MAMSTR: variants seen among roughly 807,000 people sequenced by gnomAD.
The protein encoded by MAMSTR is MEF2-activating motif and SAP domain-containing transcriptional regulator.
Under a neutral mutation model 42.7 loss-of-function variants are expected in MAMSTR, and 41 were observed. That is an observed-to-expected ratio of 0.96 (90% CI 0.75 to 1.25). The LOEUF (loss-of-function observed/expected upper bound fraction) is 1.25, where lower values mean the gene tolerates loss of function less well. Among genes scored for constraint, MAMSTR ranks in the 50% most tolerant of loss-of-function variants. The pLI is 0.00. For synonymous variants in MAMSTR, 265 were observed against 244.1 expected (o/e 1.09, Z -0.80); for missense variants, 567 against 557.6 (o/e 1.02, Z -0.17).
downstream of MAMSTR, among the ~76,000 whole-genome samples, chr19:48,710,799 GGCTA>G (rs1401911659): frequency 1.4e-4 from 22 of 151,862 alleles, no homozygotes; most frequent in African/African-American, 5.1e-4. Context: ...ATATTGGTCA[GGCTA>G]GTCTCGAACT....
chr19:48,716,996 C>T (rs2033068088), intron 2 of MAMSTR: 3 of 1,138,820 alleles, frequency 2.6e-6, no homozygotes, highest in South Asian at 8.8e-5. Context: ...CTGGAGGCAG[C>T]CCTGCCCCCG....
chr19:48,717,534 CTTTT>C (rs34694985), intron 2 of MAMSTR, among the ~76,000 whole-genome samples: 3 of 126,604 alleles, frequency 2.4e-5, no homozygotes, highest in Non-Finnish European at 3.3e-5. Flanking sequence ...TGTTAACTAT[CTTTT>C]TTTTTTTTTT....
intron 9 of MAMSTR, 61 bp downstream of exon 9, chr19:48,713,655 G>A: frequency 6.2e-7 from 1 of 1,609,598 alleles, no homozygotes; most frequent in Admixed American, 1.7e-5. Flanking sequence ...CGCCTCCCTT[G>A]GACGCAGGAG....
At position 48,714,918 on chromosome 19, in the gene MAMSTR, A is replaced by G; in HGVS notation, c.426-10T>C. On this transcript the variant is annotated splice_polypyrimidine_tract_variant and intron_variant, in intron 5 of 9. Transcript: ENST00000318083. The stretch of plus-strand genomic sequence containing the variant: ...GGGAGAGGGCTTCATCCTGGTGATA[A>G]TCGTGAGGGGCGAACAAAGGTTAGA... 1.3e-6 allele frequency: 2 copies of G among 1,566,702 alleles called. No individual in the cohort carries two copies. Among genetic ancestry groups the G allele is most frequent in the Middle Eastern group, 1.7e-4 (1 of 5,906 alleles).
Position 48,714,798 on chromosome 19 carries a change from A to C in MAMSTR, c.528+8T>G, listed in dbSNP as rs2032925427. ...GAGAAGGCCTGGAAAGTTACACCCC[A>C]AACTCACCGTCAGCTCCTCCAGTTT... On this transcript the variant is annotated splice_region_variant and intron_variant, in intron 6 of 9. Transcript: ENST00000318083. 3.1e-6 allele frequency: 5 copies of C among 1,596,470 alleles called. No individual in the cohort carries two copies.
downstream of MAMSTR, among the ~76,000 whole-genome samples, chr19:48,709,439 C>T (rs2032694970): frequency 6.6e-6 from 1 of 152,174 alleles, no homozygotes; most frequent in Admixed American, 6.5e-5. Context: ...TGAGTCACTG[C>T]GCCCAGCCTG....
downstream of MAMSTR, among the ~76,000 whole-genome samples, chr19:48,711,790 G>A (rs1409435500): frequency 7.7e-6 from 1 of 129,148 alleles, no homozygotes; most frequent in African/African-American, 2.9e-5. Flanking sequence ...CTGTTGCCCA[G>A]GCTGGAGTGT....
At position 48,713,549 on chromosome 19, in the gene MAMSTR, G is replaced by T; in HGVS notation, c.966C>A (p.Asp322Glu). Residue 322 changes from aspartate to glutamate, a missense_variant and splice_region_variant, in exon 10 of 10, where the codon GAC (aspartate) becomes GAA (glutamate). Asp to Glu is a conservative substitution (Grantham distance 45, BLOSUM62 2). Coordinates refer to ENST00000318083, the MANE Select transcript of MAMSTR (RefSeq NM_001130915.2). ...DILEDQVEPD[D>E]PLPPIPLDFP... ...AGTCCAGGGGAATAGGGGGCAGGGG[G>T]TCTGCGGGATAAAGAATGGTACATG... is the stretch of plus-strand genomic sequence containing the variant. 6.2e-7 allele frequency: 1 copy of T among 1,609,670 alleles called. No homozygotes were observed. Among genetic ancestry groups the T allele is most frequent in the Middle Eastern group, 1.7e-4 (1 of 5,760 alleles).
chr19:48,714,711 C>A, intron 6 of MAMSTR, 95 bp downstream of exon 6: 1 of 1,285,694 alleles, frequency 7.8e-7, no homozygotes, highest in Non-Finnish European at 1.1e-6. Flanking sequence ...GGTACCCGAT[C>A]TCCTGGATTT....
chr19:48,715,778 G>A lies in MAMSTR; in HGVS notation c.98-11C>T, dbSNP rs1243520491. ...GGTCCGGATCCGAGACTGGAGAGAC[G>A]GTGAAGGACCCTGAGAGGCCTGCAG... On this transcript the variant is annotated splice_polypyrimidine_tract_variant and intron_variant, in intron 3 of 9. Transcript: ENST00000318083. 8 of 1,535,776 alleles carry A rather than the reference G, an allele frequency of 5.2e-6. No individual in the cohort carries two copies. Among genetic ancestry groups the A allele is most frequent in the South Asian group, 1.2e-5 (1 of 82,054 alleles).
At chr19:48,709,627 G>A (rs1277867606), downstream of MAMSTR, among the ~76,000 whole-genome samples, 1 of 152,120 alleles carries the variant, frequency 6.6e-6, no homozygotes, top group Non-Finnish European at 1.5e-5. Context: ...GATGACTCTG[G>A]AGGGACTGAC....
downstream of MAMSTR, among the ~76,000 whole-genome samples, chr19:48,707,875 GAAAGAAAGAAAGA>G (rs1377764757): frequency 0.02 from 2,183 of 110,196 alleles, 59 homozygotes; most frequent in African/African-American, 0.069. Context: ...AAGAAAGAAA[GAAAGAAAGAAAGA>G]AAAGAAAGAA....
rs749162357 is a variant in MAMSTR, at chr19:48,714,390, C to T, written c.699G>A (p.Leu233=). 5 of 1,374,636 alleles carry T rather than the reference C, an allele frequency of 3.6e-6. No individual in the cohort carries two copies. The highest frequency in any genetic ancestry group is 1.7e-5 in the South Asian group (1 of 57,964). 85.2% of individuals were successfully genotyped at this position (1,374,636 alleles called of 1,614,324 possible). ...CCGAGCCCTGACGCCGGGCGGCTGCCAGGGCCTTGGGCTTGAGGCGCGGCC... is the reference window on the plus strand; with the variant it reads ...CCGAGCCCTGACGCCGGGCGGCTGCTAGGGCCTTGGGCTTGAGGCGCGGCC... The part of the protein sequence containing the change: ...APWPRLKPKA[L]AAARRQGSVK... The change falls in exon 7 of 10, where the codon CTG becomes CTA. Residue 233 remains leucine, a synonymous_variant. Transcript: ENST00000318083.
At position 48,713,183 on chromosome 19, in the gene MAMSTR, G is replaced by T; in HGVS notation, c.*84C>A. 7.6e-7 allele frequency: 1 copy of T among 1,321,878 alleles called. No homozygotes were observed. The highest frequency in any genetic ancestry group is 1.0e-6 in the Non-Finnish European group (1 of 981,388). 81.9% of individuals were successfully genotyped at this position (1,321,878 alleles called of 1,614,324 possible). A position where few individuals can be genotyped will look rare whatever the true frequency, so the allele number is the denominator to read the frequency against. ...CGATCCTGTGTCTGCGGTAGGAGGG[G>T]CTCTGCTGGTAGTTCCCTCTCCTCC... On this transcript the variant is annotated 3_prime_UTR_variant, in exon 10 of 10. Transcript: ENST00000318083.
chr19:48,715,429 G>T lies in MAMSTR; in HGVS notation c.258C>A (p.Ser86=). ...RSPKKESPKI[S]QRWRESKPRG... Reference sequence around the variant, plus strand: ...TGGGCTTGGACTCCCTCCAACGTTGGGAGATCTTGGGAGACTCCTGAAAGA... The same window carrying T: ...TGGGCTTGGACTCCCTCCAACGTTGTGAGATCTTGGGAGACTCCTGAAAGA... Residue 86 remains serine (S), a synonymous_variant, in exon 5 of 10, where the codon TCC becomes TCA. Transcript: ENST00000318083. The T allele has an allele frequency of 6.7e-7, 1 of 1,495,438 alleles. No homozygotes were observed. 92.6% of individuals were successfully genotyped at this position (1,495,438 alleles called of 1,614,324 possible).
Position 48,719,453 on chromosome 19 carries a change from G to A in MAMSTR, c.-22+226C>T, listed in dbSNP as rs1403198078. On this transcript the variant is annotated intron_variant, in intron 1 of 9. Coordinates refer to ENST00000318083, the MANE Select transcript of MAMSTR (RefSeq NM_001130915.2). This position sits in a 1 kb window ranked among gnomAD's most constrained non-coding sequence, Gnocchi z 4.4. The stretch of plus-strand genomic sequence containing the variant: ...AATCTTGAAGGAGAAGGAGGTTAAG[G>A]GCTGGAACTCAATACTCTTAGGAGA... 6.6e-6 allele frequency among the ~76,000 whole-genome samples: 1 copy of A among 152,124 alleles called. No individual in the cohort carries two copies. The highest frequency in any genetic ancestry group is 1.5e-5 in the Non-Finnish European group (1 of 68,014).
intron 7 of MAMSTR, 62 bp downstream of exon 7, chr19:48,714,304 C>A: frequency 7.6e-7 from 1 of 1,308,854 alleles, no homozygotes; most frequent in Non-Finnish European, 9.8e-7. Context: ...TTTTTCGACA[C>A]CCCGCCCCGG....
chr19:48,718,369 C>A (rs982321701), intron 2 of MAMSTR, among the ~76,000 whole-genome samples: 2 of 149,998 alleles, frequency 1.3e-5, no homozygotes, highest in East Asian at 1.9e-4. Flanking sequence ...GTTCGAAACA[C>A]TTGCACACTT....
At chr19:48,707,980 A>T (rs74621448), downstream of MAMSTR, among the ~76,000 whole-genome samples, 1 of 152,052 alleles carries the variant, frequency 6.6e-6, no homozygotes, top group East Asian at 1.9e-4. Context: ...CACGCCTGTA[A>T]TCCCAGCACT....
Sources: allele counts gnomAD v4.1 joint callset (sites outside exome capture counted in the v4.1 genomes callset), GRCh38; gene constraint gnomAD v4.1.1; non-coding constraint Gnocchi (gnomAD v3.1); transcripts MANE v1.5; gene names NCBI Gene and HGNC (gene_info 2026-07-23, HGNC 2026-07-21).